Variants in EYS observed in about 807,000 individuals in gnomAD.
The protein encoded by EYS is protein eyes shut homolog.
Under a neutral mutation model 282.1 loss-of-function variants are expected in EYS, and 250 were observed. The observed-to-expected ratio is 0.89, with a 90% CI of 0.80 to 0.98. EYS has a LOEUF of 0.98. Among genes scored for constraint, EYS ranks in the 50% least tolerant of loss-of-function variants. EYS has a pLI of 0.00. For missense variants in EYS, 4,016 were observed against 3,709.0 expected (o/e 1.08, Z -2.15); for synonymous variants, 1,355 against 1,282.9 (o/e 1.06, Z -1.20).
intron 12 of EYS, among the ~76,000 whole-genome samples, chr6:65,058,690 T>C (rs143576712): frequency 0.012 from 1,870 of 151,010 alleles, 51 homozygotes; most frequent in African/African-American, 0.043. Context: ...CAATTCATAT[T>C]TTCATTCATC....
chr6:64,183,547 C>T (rs1056288169), intron 31 of EYS, among the ~76,000 whole-genome samples: 5 of 152,058 alleles, frequency 3.3e-5, no homozygotes, highest in African/African-American at 1.2e-4. Flanking sequence ...TATTAGCAGA[C>T]AATTCAGCTG....
At chr6:64,850,224 A>G (rs1765839849) in intron 19 of EYS, among the ~76,000 whole-genome samples, 1 of 152,114 alleles carries the variant, frequency 6.6e-6, no homozygotes, top group Admixed American at 6.6e-5. Context: ...ATAAACAAGA[A>G]TGTATGTTAG....
At chr6:64,448,430 G>A (rs1775196171) in intron 26 of EYS, among the ~76,000 whole-genome samples, 1 of 152,212 alleles carries the variant, frequency 6.6e-6, no homozygotes, top group South Asian at 2.1e-4. Flanking sequence ...ACCTCTGGGG[G>A]CAGGGCACAG....
At chr6:63,833,310 A>T (rs1287908444) in intron 36 of EYS, among the ~76,000 whole-genome samples, 1 of 152,192 alleles carries the variant, frequency 6.6e-6, no homozygotes, top group Non-Finnish European at 1.5e-5. Flanking sequence ...TTGTATATTT[A>T]GAAAACCCCA....
At chr6:63,981,315 T>TA (rs1358435473) in intron 35 of EYS, among the ~76,000 whole-genome samples, 15 of 151,770 alleles carry the variant, frequency 9.9e-5, no homozygotes, top group Non-Finnish European at 1.9e-4. Context: ...AGCTCTCTGT[T>TA]TTCTTGTATT....
chr6:64,460,320 G>T (rs1032823992), intron 26 of EYS, among the ~76,000 whole-genome samples: 1 of 152,142 alleles, frequency 6.6e-6, no homozygotes, highest in Non-Finnish European at 1.5e-5. Context: ...GACTTAACAA[G>T]ATCTAAAAGT....
At chr6:65,480,853 G>C (rs1377721885) in intron 5 of EYS, among the ~76,000 whole-genome samples, 3 of 152,076 alleles carry the variant, frequency 2.0e-5, no homozygotes, top group African/African-American at 7.2e-5. Context: ...AAATAGGTCA[G>C]GCACAGAAAG....
intron 12 of EYS, among the ~76,000 whole-genome samples, chr6:65,274,911 AG>A (rs1768002373): frequency 7.9e-5 from 1 of 12,726 alleles, no homozygotes; most frequent in African/African-American, 9.8e-4. Context: ...AAAAAAAAGG[AG>A]AGAGAGAGAG....
chr6:65,702,553 G>A (rs1244527971), intron 1 of EYS, among the ~76,000 whole-genome samples: 2 of 152,174 alleles, frequency 1.3e-5, no homozygotes, highest in East Asian at 3.9e-4. Flanking sequence ...TTAGCCAGGC[G>A]TGGTAGCACT....
chr6:64,649,599 A>G (rs1347050485), intron 22 of EYS, among the ~76,000 whole-genome samples: 2 of 152,102 alleles, frequency 1.3e-5, no homozygotes, highest in African/African-American at 4.8e-5. Context: ...CAGCCTCCCA[A>G]AGTGCTAGGA....
chr6:65,301,429 G>A (rs544155546), intron 11 of EYS, among the ~76,000 whole-genome samples: 10 of 152,314 alleles, frequency 6.6e-5, no homozygotes, highest in African/African-American at 2.2e-4. Context: ...TTTACCGGCC[G>A]GGCCTTAGAG....
At chr6:64,817,049 A>G (rs1368101783) in intron 21 of EYS, among the ~76,000 whole-genome samples, 2 of 151,824 alleles carry the variant, frequency 1.3e-5, no homozygotes, top group Admixed American at 1.3e-4. Context: ...TGTGTAATGA[A>G]TGTTCCCATT....
chr6:64,194,751 G>T (rs1765230156), intron 31 of EYS, among the ~76,000 whole-genome samples: 1 of 152,058 alleles, frequency 6.6e-6, no homozygotes, highest in South Asian at 2.1e-4. Context: ...AAAATATATT[G>T]CTTATTAATT....
intron 30 of EYS, among the ~76,000 whole-genome samples, chr6:64,254,808 A>G (rs187317542): frequency 5.9e-5 from 9 of 152,218 alleles, no homozygotes; most frequent in Non-Finnish European, 8.8e-5. Flanking sequence ...TGACTAATAC[A>G]TCTGTCAATA....
intron 29 of EYS, among the ~76,000 whole-genome samples, chr6:64,373,948 C>T (rs1425039875): frequency 2.6e-5 from 4 of 152,006 alleles, no homozygotes; most frequent in Non-Finnish European, 5.9e-5. Flanking sequence ...TAGGCATTAG[C>T]TGCCTGGCTA....
At chr6:64,530,980 C>G (rs568503398) in intron 26 of EYS, among the ~76,000 whole-genome samples, 1 of 152,066 alleles carries the variant, frequency 6.6e-6, no homozygotes, top group Non-Finnish European at 1.5e-5. Flanking sequence ...CCACCTCTAA[C>G]CTTTGATATG....
At chr6:64,542,525 T>C (rs1401354031) in intron 26 of EYS, among the ~76,000 whole-genome samples, 1 of 152,088 alleles carries the variant, frequency 6.6e-6, no homozygotes, top group Non-Finnish European at 1.5e-5. Flanking sequence ...CTAAGATTTA[T>C]TGCCAGATAT....
At chr6:64,735,677 G>A (rs1249357227) in intron 22 of EYS, among the ~76,000 whole-genome samples, 1 of 152,056 alleles carries the variant, frequency 6.6e-6, no homozygotes, top group Non-Finnish European at 1.5e-5. Context: ...TGGTATTAGG[G>A]ACATATCAAA....
chr6:64,456,387 A>G (rs896008160), intron 26 of EYS, among the ~76,000 whole-genome samples: 3 of 151,998 alleles, frequency 2.0e-5, no homozygotes, highest in Non-Finnish European at 2.9e-5. Flanking sequence ...CTAGGGTAAA[A>G]ATTTTTATAA....
Sources: allele counts gnomAD v4.1 joint callset (sites outside exome capture counted in the v4.1 genomes callset), GRCh38; gene constraint gnomAD v4.1.1; transcripts MANE v1.5; gene names NCBI Gene and HGNC (gene_info 2026-07-23, HGNC 2026-07-21).